DENND6B: variants seen among roughly 807,000 people sequenced by gnomAD.
DENND6B encodes the protein DENN domain containing 6B.
A neutral mutation model predicts 85.1 loss-of-function variants in DENND6B; 73 were observed. The observed-to-expected ratio is 0.86, with a 90% CI of 0.71 to 1.04. DENND6B has a LOEUF of 1.04. Ranked by LOEUF, DENND6B falls within the 50% of genes least tolerant of loss-of-function variation. The probability of loss-of-function intolerance (pLI) is 0.00; values close to 1 mark genes in which losing one functional copy is unlikely to be tolerated. For synonymous variants in DENND6B, 357 were observed against 329.3 expected, an observed-to-expected ratio of 1.08 and a Z score of -0.91; for missense variants, 715 against 785.8, an observed-to-expected ratio of 0.91 and a Z score of 1.08.
In DENND6B at chr22:50,318,977, G is replaced by A. The variant is rs745871834; in HGVS notation, c.204C>T (p.Leu68=). The change falls in exon 2 of 20, where the codon CTC becomes CTT. Residue 68 remains leucine, a synonymous_variant. Coordinates refer to ENST00000413817, the MANE Select transcript of DENND6B (RefSeq NM_001001794.4). The stretch of plus-strand genomic sequence containing the variant: ...GGCCGGGACTCACCTCCTTGTCTGT[G>A]AGCCGGAAGTCGTTCGGATACACCA... ...LELVYPNDFR[L]TDKEKSSICY... is the part of the protein sequence containing the mutation. 9 of 1,605,860 alleles carry A rather than the reference G, an allele frequency of 5.6e-6. No homozygotes were observed. Among genetic ancestry groups the A allele is most frequent in the Middle Eastern group, 1.7e-4 (1 of 6,054 alleles).
In DENND6B at chr22:50,318,849, G is replaced by A. The variant is rs765887829; in HGVS notation, c.257C>T (p.Ser86Leu). 1.9e-6 allele frequency: 3 copies of A among 1,613,296 alleles called. No individual in the cohort carries two copies. The highest frequency in any genetic ancestry group is 2.5e-6 in the Non-Finnish European group (3 of 1,179,696). Reference sequence around the variant, plus strand: ...CCAGGAAAGGTGGGGTTGCCTACCTGAGTGCGAGTCGGGAAAAGACAGGTA... The same window carrying A: ...CCAGGAAAGGTGGGGTTGCCTACCTAAGTGCGAGTCGGGAAAAGACAGGTA... ...ICYLSFPDSHSGCLGDTQFSF... is the reference protein window; with the variant it reads ...ICYLSFPDSHLGCLGDTQFSF... The change falls in exon 3 of 20, where the codon TCA (serine) becomes TTA (leucine). Residue 86 changes from serine (S) to leucine (L), a missense_variant and splice_region_variant. By Grantham distance (145) the Ser-to-Leu change is moderately radical (BLOSUM62 -2). Coordinates refer to ENST00000413817, the MANE Select transcript of DENND6B (RefSeq NM_001001794.4).
rs1252382496 is a variant in DENND6B, at chr22:50,314,219, C to T, written c.1126G>A (p.Asp376Asn). Reference sequence around the variant, plus strand: ...GGGGAGCACAGACCTGGCTTGGTGTCCAGGGTCTTCAACCTTGAAGGCTTT... The same window carrying T: ...GGGGAGCACAGACCTGGCTTGGTGTTCAGGGTCTTCAACCTTGAAGGCTTT... ...LKKPSRLKTL[D>N]TKPGLYTAYT... Residue 376 changes from aspartate to asparagine, a missense_variant, in exon 13 of 20, where the codon GAC becomes AAC. Coordinates refer to ENST00000413817, the MANE Select transcript of DENND6B (RefSeq NM_001001794.4). 2 of 1,606,662 alleles carry T rather than the reference C, an allele frequency of 1.2e-6. No individual in the cohort carries two copies. The highest frequency in any genetic ancestry group is 1.7e-6 in the Non-Finnish European group (2 of 1,178,998).
intron 1 of DENND6B, among the ~76,000 whole-genome samples, chr22:50,323,603 TAG>T (rs2042115753): frequency 6.6e-6 from 1 of 151,804 alleles, no homozygotes; most frequent in South Asian, 2.1e-4. Flanking sequence ...GTATTTTTTG[TAG>T]AGATGTGGGT....
At chr22:50,326,391 G>T (rs2042189591) in intron 1 of DENND6B, among the ~76,000 whole-genome samples, 1 of 152,246 alleles carries the variant, frequency 6.6e-6, no homozygotes. Flanking sequence ...CAAAGGAACG[G>T]ATCCGAGACC....
Position 50,312,523 on chromosome 22 carries a change from C to G in DENND6B, c.1560G>C (p.Ala520=). The change falls in exon 18 of 20, where the codon GCG becomes GCC. Residue 520 remains alanine, a splice_region_variant and synonymous_variant. Transcript: ENST00000413817. ...EALHLEAICE[A]NIETWMKDKS... ...CTCCCCAACCCCCAGCCTCTCTCAC[C>G]GCCTCACAGATAGCCTCCAGGTGCA... The G allele has an allele frequency of 6.3e-7, 1 of 1,584,618 alleles. No homozygotes were observed. Among genetic ancestry groups the G allele is most frequent in the South Asian group, 1.1e-5 (1 of 87,194 alleles).
At position 50,317,321 on chromosome 22, in the gene DENND6B, C is replaced by G; in HGVS notation, c.425G>C (p.Ser142Thr). Reference sequence around the variant, plus strand: ...CTGGAAGTAGCCCCTCTTCACAGAGCTGTCCTTCACCTGCCTGAAGTACAC... The same window carrying G: ...CTGGAAGTAGCCCCTCTTCACAGAGGTGTCCTTCACCTGCCTGAAGTACAC... ...GYVYFRQVKD[S>T]SVKRGYFQKS... Residue 142 changes from serine to threonine, a missense_variant, in exon 5 of 20, where the codon AGC (serine) becomes ACC (threonine). Ser to Thr is a moderately conservative substitution (Grantham distance 58). Coordinates refer to ENST00000413817, the MANE Select transcript of DENND6B (RefSeq NM_001001794.4). The G allele has an allele frequency of 6.2e-7, 1 of 1,613,056 alleles. No homozygotes were observed.
Position 50,326,888 on chromosome 22 carries a change from G to A in DENND6B, c.101C>T (p.Pro34Leu). Reference sequence around the variant, plus strand: ...CAGCCAGGCGGAGAAGCGCGCCCAGGGCGCCGCCGGGGTCCGCGCCGCGCG... The same window carrying A: ...CAGCCAGGCGGAGAAGCGCGCCCAGAGCGCCGCCGGGGTCCGCGCCGCGCG... ...SGRAARTPAA[P>L]WARFSAWLEC... is the part of the protein sequence containing the mutation. The change falls in exon 1 of 20, where the codon CCC (proline) becomes CTC (leucine). Residue 34 changes from proline (P) to leucine (L), a missense_variant. Physicochemically the swap from Pro to Leu is moderately conservative, Grantham distance 98. Coordinates refer to ENST00000413817, the MANE Select transcript of DENND6B (RefSeq NM_001001794.4). 1 of 1,411,168 alleles carries A rather than the reference G, an allele frequency of 7.1e-7. No individual in the cohort carries two copies. Among genetic ancestry groups the A allele is most frequent in the Non-Finnish European group, 9.2e-7 (1 of 1,083,132 alleles). The allele number at this position is 1,411,168 out of a possible 1,614,324, so 87.4% of individuals were successfully genotyped here. A position where few individuals can be genotyped will look rare whatever the true frequency, so the allele number is the denominator to read the frequency against.
intron 1 of DENND6B, among the ~76,000 whole-genome samples, chr22:50,322,047 A>AAAAAAAATATTAAAAAAAAAATATT (rs2042061546): frequency 3.1e-5 from 1 of 32,116 alleles, no homozygotes; most frequent in African/African-American, 7.5e-5. Flanking sequence ...AACCAATATT[A>AAAAAAAATATTAAAAAAAAAATATT]AAAAAAAAAA....
chr22:50,320,547 G>A (rs2042011794), intron 1 of DENND6B, among the ~76,000 whole-genome samples: 1 of 152,208 alleles, frequency 6.6e-6, no homozygotes. Context: ...AGTGTTCGTG[G>A]AATGTGTGAA....
chr22:50,314,591 G>A lies in DENND6B; in HGVS notation c.977+14C>T, dbSNP rs1321566309. On this transcript the variant is annotated intron_variant, in intron 11 of 19. Transcript: ENST00000413817. ...CGGAGCAAGGGCAAGAGGCGGGGCA[G>A]AGGCGGCACTTACGGGGCCTGCGTG... 6.4e-7 allele frequency: 1 copy of A among 1,558,296 alleles called. No homozygotes were observed.
In DENND6B at chr22:50,326,891, GC is replaced by G; in HGVS notation, c.97del (p.Ala33ArgfsTer107). On this transcript the variant is annotated frameshift_variant, in exon 1 of 20. Transcript: ENST00000413817. LOFTEE classifies it high-confidence loss of function. ...SSGRAARTPAAPWARFSAWLE... is the reference protein window; with the variant it reads ...SSGRAARTPAXPWARFSAWLE... The stretch of plus-strand genomic sequence containing the variant: ...CCAGGCGGAGAAGCGCGCCCAGGGC[GC>G]CGCCGGGGTCCGCGCCGCGCGACCT... 1 of 1,405,650 alleles carries G rather than the reference GC, an allele frequency of 7.1e-7. No individual in the cohort carries two copies. Among genetic ancestry groups the G allele is most frequent in the South Asian group, 1.5e-5 (1 of 68,670 alleles). 87.1% of individuals were successfully genotyped at this position (1,405,650 alleles called of 1,614,324 possible). A position where few individuals can be genotyped will look rare whatever the true frequency, so the allele number is the denominator to read the frequency against.
Position 50,313,860 on chromosome 22 carries a change from G to C in DENND6B, c.1157C>G (p.Thr386Arg), listed in dbSNP as rs374647332. Reference sequence around the variant, plus strand: ...CGCCTTGTCGCGGTGGAGGTGGGCCGTGTAAGCGGTGTAGAGGCCTGGCGG... The same window carrying C: ...CGCCTTGTCGCGGTGGAGGTGGGCCCTGTAAGCGGTGTAGAGGCCTGGCGG... ...DTKPGLYTAYTAHLHRDKALL... is the reference protein window; with the variant it reads ...DTKPGLYTAYRAHLHRDKALL... Residue 386 changes from threonine to arginine, a missense_variant, in exon 14 of 20, where the codon ACG becomes AGG. Coordinates refer to ENST00000413817, the MANE Select transcript of DENND6B (RefSeq NM_001001794.4). 6.2e-7 allele frequency: 1 copy of C among 1,610,988 alleles called. No individual in the cohort carries two copies. Among genetic ancestry groups the C allele is most frequent in the Non-Finnish European group, 8.5e-7 (1 of 1,179,508 alleles).
Position 50,314,698 on chromosome 22 carries a change from C to T in DENND6B, c.884G>A (p.Cys295Tyr). The T allele has an allele frequency of 1.9e-6, 3 of 1,565,736 alleles. No individual in the cohort carries two copies. Among genetic ancestry groups the T allele is most frequent in the Non-Finnish European group, 1.7e-6 (2 of 1,155,912 alleles). The change falls in exon 11 of 20, where the codon TGC (cysteine) becomes TAC (tyrosine). Residue 295 changes from cysteine to tyrosine, a missense_variant and splice_region_variant. Coordinates refer to ENST00000413817, the MANE Select transcript of DENND6B (RefSeq NM_001001794.4). ...GCAGCAGAACCTGAGGGGCTGCAGG[C>T]AGCTGTGGGCAGAGGCAGCAGGGAG... ...SSEMVLALTS[C>Y]LQPLRFCCDF...
At position 50,316,219 on chromosome 22, in the gene DENND6B, T is replaced by C. The variant is rs11553141; in HGVS notation, c.594A>G (p.Ala198=). 693,297 of 1,609,326 alleles carry C rather than the reference T, an allele frequency of 0.43. 152,665 individuals are homozygous for C. The highest frequency in any genetic ancestry group is 0.61 in the South Asian group (55,853 of 90,946). The change falls in exon 7 of 20, where the codon GCA becomes GCG. Residue 198 remains alanine, a synonymous_variant. Transcript: ENST00000413817. ...CAGGTAGGTTCAGGGTCTGCCCAGG[T>C]GCAGGCGCCGGCCACTGGTCGATCT... ...CSEIDQWPAP[A]PGQTLNLPVM...
chr22:50,313,022 C>T lies in DENND6B; in HGVS notation c.1434G>A (p.Lys478=). ...ACCTGTAGAGACCCAGCCAGTCGCC[C>T]TTGAGGATGCAGGTGAGCTGGGGCC... ...HAGPQLTCIL[K]GDWLGLYRRF... Residue 478 remains lysine, a synonymous_variant, in exon 17 of 20, where the codon AAG becomes AAA. Coordinates refer to ENST00000413817, the MANE Select transcript of DENND6B (RefSeq NM_001001794.4). The T allele has an allele frequency of 6.4e-7, 1 of 1,560,952 alleles. No individual in the cohort carries two copies. The highest frequency in any genetic ancestry group is 8.7e-7 in the Non-Finnish European group (1 of 1,153,208).
chr22:50,317,710 T>TG (rs2041900276), intron 4 of DENND6B, among the ~76,000 whole-genome samples, 198 bp downstream of exon 4: 1 of 152,112 alleles, frequency 6.6e-6, no homozygotes. Context: ...CCAGGGACCC[T>TG]GGGGAGACCC....
chr22:50,314,080 G>A, intron 13 of DENND6B, 127 bp downstream of exon 13: 2 of 1,325,000 alleles, frequency 1.5e-6, no homozygotes, highest in Non-Finnish European at 2.0e-6. Flanking sequence ...AGGGTTCTGA[G>A]CTCTGCTGCT....
Position 50,313,002 on chromosome 22 carries a change from T to TCC in DENND6B, c.1453_1454insGG (p.Tyr485TrpfsTer24). Reference sequence around the variant, plus strand: ...CCTGCACCTGCAGTCCACGCACCTGTAGAGACCCAGCCAGTCGCCCTTGAG... The same window carrying TCC: ...CCTGCACCTGCAGTCCACGCACCTGTCCAGAGACCCAGCCAGTCGCCCTTGAG... On this transcript the variant is annotated frameshift_variant, in exon 17 of 20. Coordinates refer to ENST00000413817, the MANE Select transcript of DENND6B (RefSeq NM_001001794.4). LOFTEE classifies it high-confidence loss of function. 1 of 1,555,788 alleles carries TCC rather than the reference T, an allele frequency of 6.4e-7. No individual in the cohort carries two copies. Among genetic ancestry groups the TCC allele is most frequent in the Non-Finnish European group, 8.7e-7 (1 of 1,150,432 alleles).
At chr22:50,316,559 C>T (rs766786105) in intron 5 of DENND6B, 84 bp from the exon 6 acceptor site, 18 of 1,546,352 alleles carry the variant, frequency 1.2e-5, no homozygotes, top group Middle Eastern at 1.7e-4. Context: ...ACCGAAGCCA[C>T]GCTCACCTGG....
Sources: gnomAD v4.1 joint callset for allele counts (sites outside exome capture counted in the v4.1 genomes callset) on GRCh38, gnomAD v4.1.1 for gene constraint, MANE v1.5 for transcripts, NCBI Gene and HGNC (gene_info 2026-07-23, HGNC 2026-07-21) for gene names.